The following GABRG3 variants were observed in gnomAD, a reference collection of about 807,000 sequenced individuals.
GABRG3 encodes gamma-aminobutyric acid type A receptor subunit gamma3, also known as gamma-aminobutyric acid receptor subunit gamma-3.
GABRG3 carries 25 observed loss-of-function variants against 48.8 expected under a neutral mutation model. The ratio of observed to expected loss-of-function variants is 0.51; its 90% CI spans 0.37 to 0.72. GABRG3 has a LOEUF of 0.72. Ranked by LOEUF, GABRG3 falls within the 30% of genes least tolerant of loss-of-function variation. GABRG3 has a pLI of 0.00. For synonymous variants in GABRG3, 227 were observed against 217.6 expected (o/e 1.04, Z -0.38); for missense variants, 394 against 577.9 (o/e 0.68, Z 3.26).
chr15:27,044,327 G>A (rs1279338529), intron 3 of GABRG3, among the ~76,000 whole-genome samples: 2 of 152,088 alleles, frequency 1.3e-5, no homozygotes, highest in Admixed American at 1.3e-4. Context: ...TGAAATTAAG[G>A]TGATTTCTGT....
intron 2 of GABRG3, among the ~76,000 whole-genome samples, chr15:27,021,315 C>T (rs1895890188): frequency 6.6e-6 from 1 of 152,214 alleles, no homozygotes; most frequent in African/African-American, 2.4e-5. Context: ...AGTTATGCAA[C>T]ATCCAGGGGT....
intron 3 of GABRG3, among the ~76,000 whole-genome samples, chr15:27,120,996 C>T (rs1897721586): frequency 6.6e-6 from 1 of 152,172 alleles, no homozygotes; most frequent in Non-Finnish European, 1.5e-5. Flanking sequence ...TGAGGTCATC[C>T]ACAGCCTGGC....
intron 3 of GABRG3, among the ~76,000 whole-genome samples, chr15:27,191,871 T>C (rs1321422306): frequency 6.6e-6 from 1 of 152,198 alleles, no homozygotes; most frequent in Non-Finnish European, 1.5e-5. Flanking sequence ...TACCGGTTTT[T>C]CCTTTCTATG....
intron 3 of GABRG3, among the ~76,000 whole-genome samples, chr15:27,089,227 A>T (rs576912755): frequency 6.6e-6 from 1 of 152,302 alleles, no homozygotes; most frequent in Admixed American, 6.5e-5. Flanking sequence ...GTGGCCAAGC[A>T]TTGGGGAATC....
chr15:27,310,389 A>G (rs1892955016), intron 3 of GABRG3, among the ~76,000 whole-genome samples: 2 of 152,170 alleles, frequency 1.3e-5, no homozygotes, highest in South Asian at 4.1e-4. Flanking sequence ...TAGCATCAAA[A>G]ACATTAAATG....
chr15:27,195,736 GT>G, intron 3 of GABRG3, among the ~76,000 whole-genome samples: 1 of 152,190 alleles, frequency 6.6e-6, no homozygotes, highest in Admixed American at 6.5e-5. Flanking sequence ...CCAGGTTCAA[GT>G]GATTCTCCTG....
At chr15:27,508,815 G>A (rs951717981) in intron 6 of GABRG3, among the ~76,000 whole-genome samples, 7 of 151,988 alleles carry the variant, frequency 4.6e-5, no homozygotes, top group Non-Finnish European at 8.8e-5. Flanking sequence ...CCAGGTTCAC[G>A]CCATTCTCTC....
intron 3 of GABRG3, among the ~76,000 whole-genome samples, chr15:27,263,962 C>G (rs919142544): frequency 1.3e-5 from 2 of 148,824 alleles, no homozygotes; most frequent in African/African-American, 2.5e-5. Context: ...AAGAAAAGTG[C>G]TGGAAAAGAG....
chr15:27,248,813 G>C (rs1468314151), intron 3 of GABRG3, among the ~76,000 whole-genome samples: 32 of 134,566 alleles, frequency 2.4e-4, no homozygotes, highest in East Asian at 1.9e-3. Context: ...CAGAGAGAGA[G>C]AGAGAGAGAG....
At chr15:27,455,408 T>C (rs1015766113) in intron 5 of GABRG3, among the ~76,000 whole-genome samples, 1 of 144,958 alleles carries the variant, frequency 6.9e-6, no homozygotes, top group Non-Finnish European at 1.5e-5. Flanking sequence ...ATGTGTGCTA[T>C]GTGTGTGTGC....
chr15:27,486,037 A>C (rs1036385209), intron 6 of GABRG3, among the ~76,000 whole-genome samples: 1 of 152,192 alleles, frequency 6.6e-6, no homozygotes, highest in Non-Finnish European at 1.5e-5. Flanking sequence ...TAGAATGCGC[A>C]GCGTTTTTTT....
chr15:27,526,006 G>A (rs573362399), intron 7 of GABRG3, among the ~76,000 whole-genome samples: 1 of 152,176 alleles, frequency 6.6e-6, no homozygotes, highest in Non-Finnish European at 1.5e-5. Flanking sequence ...AACTACATCT[G>A]ACATAAGTAT....
intron 5 of GABRG3, among the ~76,000 whole-genome samples, chr15:27,448,593 C>A (rs73367337): frequency 1.9e-3 from 285 of 152,252 alleles, no homozygotes; most frequent in African/African-American, 6.7e-3. Context: ...GTAATCCCTG[C>A]CAGGGAAAGT....
In GABRG3 at chr15:27,180,122, C is replaced by G. The variant is rs546841135; in HGVS notation, c.271-146687C>G. Among the ~76,000 whole-genome samples, 1 of 152,048 alleles carries G rather than the reference C, an allele frequency of 6.6e-6. No individual in the cohort carries two copies. Among genetic ancestry groups the G allele is most frequent in the Non-Finnish European group, 1.5e-5 (1 of 68,038 alleles). On this transcript the variant is annotated intron_variant, in intron 3 of 9. Coordinates refer to ENST00000615808, the MANE Select transcript of GABRG3 (RefSeq NM_033223.5). The surrounding 1 kb of genome is among the most constrained non-coding windows in gnomAD (Gnocchi z 4.2). ...GGCTCGTTGCACTTGTTTTACCAAT[C>G]ACAGAGCTCACAAAGAAGTTGTCCA...
chr15:27,125,141 G>GT (rs758975771), intron 3 of GABRG3, among the ~76,000 whole-genome samples: 1 of 151,864 alleles, frequency 6.6e-6, no homozygotes, highest in African/African-American at 2.4e-5. Context: ...CTTTTTATTA[G>GT]TAAAAAAAAG....
In GABRG3 at chr15:27,193,325, A is replaced by G. The variant is rs544708642; in HGVS notation, c.271-133484A>G. Reference sequence around the variant, plus strand: ...TGTCTGTGCCCTGCCCCCAGAGGTGAAGCCTACAGAGGCAGGCAGGCCTCC... The same window carrying G: ...TGTCTGTGCCCTGCCCCCAGAGGTGGAGCCTACAGAGGCAGGCAGGCCTCC... On this transcript the variant is annotated intron_variant, in intron 3 of 9. Transcript: ENST00000615808. Among the ~76,000 whole-genome samples, 553 of 148,844 alleles carry G rather than the reference A, an allele frequency of 3.7e-3. 4 individuals carry two copies. The highest frequency in any genetic ancestry group is 7.9e-3 in the South Asian group (36 of 4,578).
chr15:27,531,792 T>C (rs978404176), intron 9 of GABRG3, among the ~76,000 whole-genome samples: 1 of 152,210 alleles, frequency 6.6e-6, no homozygotes, highest in African/African-American at 2.4e-5. Context: ...TGTCTCAGGG[T>C]TAGGAATGAT....
At chr15:27,379,231 C>CAGA in intron 5 of GABRG3, among the ~76,000 whole-genome samples, 1 of 152,082 alleles carries the variant, frequency 6.6e-6, no homozygotes, top group East Asian at 1.9e-4. Context: ...TTATTTTTCC[C>CAGA]CTTGTTTGGG....
intron 3 of GABRG3, among the ~76,000 whole-genome samples, chr15:27,138,070 G>A (rs1326433450): frequency 6.6e-6 from 1 of 152,100 alleles, no homozygotes; most frequent in Non-Finnish European, 1.5e-5. Flanking sequence ...ATATTTTAAA[G>A]CATAACAACA....
Sources: allele counts gnomAD v4.1 joint callset (sites outside exome capture counted in the v4.1 genomes callset), GRCh38; gene constraint gnomAD v4.1.1; non-coding constraint Gnocchi (gnomAD v3.1); transcripts MANE v1.5; gene names NCBI Gene and HGNC (gene_info 2026-07-23, HGNC 2026-07-21).